The following SAMSN1 variants were observed in gnomAD, a reference collection of about 807,000 sequenced individuals.
SAMSN1 encodes SAM domain, SH3 domain and nuclear localization signals 1, also known as SAM domain-containing protein SAMSN-1.
In SAMSN1, 31 loss-of-function variants were observed where a neutral mutation model predicts 42.0. The ratio of observed to expected loss-of-function variants is 0.74; its 90% confidence interval spans 0.55 to 1.00. The LOEUF (loss-of-function observed/expected upper bound fraction) is 1.00, where lower values mean the gene tolerates loss of function less well. Among genes scored for constraint, SAMSN1 ranks in the 50% least tolerant of loss-of-function variants. SAMSN1 has a pLI of 0.00. For missense variants in SAMSN1, 464 were observed against 439.4 expected (o/e 1.06, Z -0.50); for synonymous variants, 178 against 151.9 (o/e 1.17, Z -1.26).
At chr21:14,633,237 C>T (rs572819037) in intron 2 of SAMSN1, among the ~76,000 whole-genome samples, 5 of 152,038 alleles carry the variant, frequency 3.3e-5, no homozygotes, top group African/African-American at 1.2e-4. Flanking sequence ...CATGCACACC[C>T]TATTACTTCT....
chr21:14,579,295 T>A (rs1265240244), intron 2 of SAMSN1, among the ~76,000 whole-genome samples: 1 of 152,246 alleles, frequency 6.6e-6, no homozygotes, highest in East Asian at 1.9e-4. Context: ...TCTGTAGATA[T>A]GTTTGACCTT....
At chr21:14,652,947 T>G (rs1239994290) in intron 1 of SAMSN1, among the ~76,000 whole-genome samples, 1 of 151,996 alleles carries the variant, frequency 6.6e-6, no homozygotes, top group Admixed American at 6.6e-5. Flanking sequence ...CTCAACGTCA[T>G]TTATCATCAG....
intron 7 of SAMSN1, chr21:14,592,123 C>G (rs1413313484): frequency 6.6e-6 from 1 of 152,058 alleles, no homozygotes; most frequent in African/African-American, 2.4e-5. Flanking sequence ...GAGAAAAGGC[C>G]ACAGAAGCCA....
chr21:14,631,863 G>T (rs929059973), intron 2 of SAMSN1, among the ~76,000 whole-genome samples: 1 of 152,036 alleles, frequency 6.6e-6, no homozygotes, highest in Non-Finnish European at 1.5e-5. Context: ...TGCTGAAGTG[G>T]ACATCTGTCT....
Position 14,521,115 on chromosome 21 carries a change from G to A in SAMSN1, c.129+35C>T, listed in dbSNP as rs765141003. ...CTTCATAATATTTCATAATGTGTTT[G>A]CATAACATTCATAAAAATGGAATAA... On this transcript the variant is annotated intron_variant, in intron 2 of 7. Transcript: ENST00000400566. 2.3e-6 allele frequency: 3 copies of A among 1,286,864 alleles called. No individual in the cohort carries two copies. The African/African-American group carries it at 4.4e-5, about 19-fold the overall frequency. 79.7% of individuals were successfully genotyped at this position (1,286,864 alleles called of 1,614,324 possible).
At chr21:14,587,884 T>C (rs963549724), upstream of SAMSN1, among the ~76,000 whole-genome samples, 4 of 142,674 alleles carry the variant, frequency 2.8e-5, no homozygotes, top group Non-Finnish European at 6.1e-5. Context: ...CTCCCAATGC[T>C]ATCCCTCCCC....
chr21:14,628,211 A>T (rs922434359), intron 2 of SAMSN1, among the ~76,000 whole-genome samples: 4 of 152,176 alleles, frequency 2.6e-5, no homozygotes, highest in Non-Finnish European at 4.4e-5. Flanking sequence ...AATAACTTCT[A>T]GTGTTCCATA....
At chr21:14,619,294 G>A (rs548817112) in intron 2 of SAMSN1, among the ~76,000 whole-genome samples, 1 of 152,302 alleles carries the variant, frequency 6.6e-6, no homozygotes, top group Admixed American at 6.5e-5. Flanking sequence ...GTCAGGAGTT[G>A]TTGTTGCCTA....
rs1237147486 is a variant in SAMSN1, at chr21:14,500,735, T to A, written c.562A>T (p.Lys188Ter). The A allele has an allele frequency of 6.2e-7, 1 of 1,610,218 alleles. No homozygotes were observed. Among genetic ancestry groups the A allele is most frequent in the Non-Finnish European group, 8.5e-7 (1 of 1,176,606 alleles). The change falls in exon 6 of 8, where the codon AAA (lysine) becomes TAA (stop). Residue 188 changes from lysine (K) to a stop codon, truncating the protein, a stop_gained and splice_region_variant. Coordinates refer to ENST00000400566, the MANE Select transcript of SAMSN1 (RefSeq NM_022136.5). LOFTEE classifies it high-confidence loss of function. ...PYDTDSLKIK[K>*]GDIIDIICKT... ...CAAATAATGTCTATGATGTCTCCTT[T>A]CTAAGGGCAAAGAAATCCATACACA...
chr21:14,558,419 T>C (rs1185789919), intron 2 of SAMSN1, among the ~76,000 whole-genome samples: 3 of 151,880 alleles, frequency 2.0e-5, no homozygotes, highest in African/African-American at 7.2e-5. Flanking sequence ...GGCTCACGCC[T>C]GTAATCCAAT....
chr21:14,619,102 G>A (rs998533823), intron 2 of SAMSN1, among the ~76,000 whole-genome samples: 1 of 152,104 alleles, frequency 6.6e-6, no homozygotes. Flanking sequence ...TTAAAAAATA[G>A]AAAGAGAAGA....
intron 1 of SAMSN1, among the ~76,000 whole-genome samples, chr21:14,540,621 A>G (rs1979954726): frequency 1.3e-5 from 2 of 152,204 alleles, no homozygotes; most frequent in Non-Finnish European, 1.5e-5. Context: ...ATCATTAAAA[A>G]GTCAGGAAAC....
At chr21:14,641,689 G>T (rs1400250161) in intron 2 of SAMSN1, among the ~76,000 whole-genome samples, 1 of 152,102 alleles carries the variant, frequency 6.6e-6, no homozygotes, top group Non-Finnish European at 1.5e-5. Flanking sequence ...ACAGGAAGTG[G>T]CATCTAAATC....
chr21:14,644,292 G>A (rs1055757830), intron 1 of SAMSN1, among the ~76,000 whole-genome samples: 44 of 151,954 alleles, frequency 2.9e-4, no homozygotes, highest in South Asian at 4.1e-4. Flanking sequence ...AGACGGAAGT[G>A]TAGGGAGGCC....
chr21:14,636,558 A>G (rs918747125), intron 2 of SAMSN1, among the ~76,000 whole-genome samples: 1 of 152,158 alleles, frequency 6.6e-6, no homozygotes, highest in Non-Finnish European at 1.5e-5. Context: ...TAAGGATATA[A>G]CTGGCCAGGC....
chr21:14,642,349 C>T (rs555735711), intron 2 of SAMSN1, among the ~76,000 whole-genome samples: 1 of 152,288 alleles, frequency 6.6e-6, no homozygotes, highest in African/African-American at 2.4e-5. Context: ...TTTGCATTTG[C>T]CAGTTTGTAA....
chr21:14,532,856 T>G (rs2123100506), intron 1 of SAMSN1, among the ~76,000 whole-genome samples: 1 of 152,082 alleles, frequency 6.6e-6, no homozygotes, highest in South Asian at 2.1e-4. Context: ...GAAACTATAA[T>G]CATAAGTATT....
At chr21:14,581,344 C>CTTTT (rs56728511) in intron 2 of SAMSN1, among the ~76,000 whole-genome samples, 488 of 32,568 alleles carry the variant, frequency 0.015, 161 homozygotes, top group African/African-American at 0.038. Flanking sequence ...AATAATATTT[C>CTTTT]TTTTTTTTTT....
At chr21:14,552,501 T>A (rs1242392479) in intron 2 of SAMSN1, among the ~76,000 whole-genome samples, 1 of 152,068 alleles carries the variant, frequency 6.6e-6, no homozygotes. Context: ...TCACTCCCAC[T>A]TTTCCACCAT....
Sources: gnomAD v4.1 joint callset for allele counts (sites outside exome capture counted in the v4.1 genomes callset) on GRCh38, gnomAD v4.1.1 for gene constraint, MANE v1.5 for transcripts, NCBI Gene and HGNC (gene_info 2026-07-23, HGNC 2026-07-21) for gene names.